Variants in CPZ observed in about 807,000 individuals in gnomAD.
CPZ encodes the protein VEZT/CPZ fusion.
In CPZ, 103 loss-of-function variants were observed where a neutral mutation model predicts 61.8. The observed-to-expected ratio is 1.67, with a 90% confidence interval of 1.42 to 1.96. The LOEUF (loss-of-function observed/expected upper bound fraction) is 1.96. Among genes scored for constraint, CPZ ranks in the 30% most tolerant of loss-of-function variants. CPZ has a pLI of 0.00. For synonymous variants in CPZ, 551 were observed against 373.7 expected (o/e 1.47, Z -5.47); for missense variants, 1,461 against 914.9 (o/e 1.60, Z -7.70).
intron 8 of CPZ, among the ~76,000 whole-genome samples, chr4:8,613,653 C>T (rs576228908): frequency 6.6e-6 from 1 of 152,320 alleles, no homozygotes; most frequent in South Asian, 2.1e-4. Context: ...CCTAGGCCTG[C>T]CTTGGAGATG....
At chr4:8,614,584 G>A (rs949026303) in intron 9 of CPZ, 86 bp downstream of exon 9, 1 of 1,415,724 alleles carries the variant, frequency 7.1e-7, no homozygotes, top group Non-Finnish European at 9.7e-7. Context: ...AGCCCCCGTA[G>A]CCTCACTGCC....
chr4:8,606,710 C>T lies in CPZ; in HGVS notation c.907-27C>T, dbSNP rs1199321886. On this transcript the variant is annotated intron_variant, in intron 5 of 10. Coordinates refer to ENST00000360986, the MANE Select transcript of CPZ (RefSeq NM_001014447.3). Reference sequence around the variant, plus strand: ...GGAGGGTGGGGTGTGCTGACCCCACCCAGTCGGGGGTTGGCCATGTTTTCA... The same window carrying T: ...GGAGGGTGGGGTGTGCTGACCCCACTCAGTCGGGGGTTGGCCATGTTTTCA... 3.1e-6 allele frequency: 5 copies of T among 1,613,622 alleles called. No homozygotes were observed. The South Asian group carries it at 3.3e-5, about 11-fold the overall frequency.
At chr4:8,605,634 T>TCCACCCATCCACCCACCC (rs1553876826) in intron 4 of CPZ, among the ~76,000 whole-genome samples, 21 of 148,678 alleles carry the variant, frequency 1.4e-4, no homozygotes, top group African/African-American at 4.1e-4. Context: ...ATCATTGATA[T>TCCACCCATCCACCCACCC]ATCCATTCAT....
chr4:8,613,884 C>T (rs1172251992), intron 8 of CPZ, among the ~76,000 whole-genome samples: 1 of 152,262 alleles, frequency 6.6e-6, no homozygotes, highest in Admixed American at 6.5e-5. Flanking sequence ...TGGACATTGT[C>T]ACCATGGGGT....
chr4:8,594,119 C>A (rs1713998832), intron 1 of CPZ, among the ~76,000 whole-genome samples: 1 of 152,214 alleles, frequency 6.6e-6, no homozygotes, highest in African/African-American at 2.4e-5. Flanking sequence ...CAGCAGGATG[C>A]ATGGGCTGGT....
At chr4:8,607,219 C>A in intron 6 of CPZ, 48 bp from the exon 7 acceptor site, 2 of 1,593,644 alleles carry the variant, frequency 1.3e-6, no homozygotes, top group Non-Finnish European at 1.7e-6. Context: ...TGGCTGCGGG[C>A]CAGTGGGAAA....
intron 10 of CPZ, among the ~76,000 whole-genome samples, 168 bp downstream of exon 10, chr4:8,618,696 C>T (rs1353659473): frequency 2.0e-5 from 3 of 152,110 alleles, no homozygotes; most frequent in Admixed American, 6.5e-5. Flanking sequence ...CCAGGGTCTG[C>T]GTCTCCTTAC....
At chr4:8,605,855 C>T in intron 4 of CPZ, 134 bp from the exon 5 acceptor site, 3 of 849,600 alleles carry the variant, frequency 3.5e-6, no homozygotes, top group Non-Finnish European at 5.4e-6. Flanking sequence ...TCATTATATA[C>T]AGAGGTTCTT....
At position 8,612,037 on chromosome 4, in the gene CPZ, T is replaced by G; in HGVS notation, c.1238T>G (p.Leu413Arg). Residue 413 changes from leucine to arginine, a missense_variant, in exon 8 of 11, where the codon CTG becomes CGG. Physicochemically the swap from Leu to Arg is moderately radical, Grantham distance 102. Coordinates refer to ENST00000360986, the MANE Select transcript of CPZ (RefSeq NM_001014447.3). ...AGGTTTCTTTTCCAGATGTTCAAGC[T>G]GCTGTCCAGAGCCTACGCTGACGTC... ...SPTPDEKMFK[L>R]LSRAYADVHP... 1 of 1,613,736 alleles carries G rather than the reference T, an allele frequency of 6.2e-7. No homozygotes were observed.
chr4:8,606,287 C>T (rs772539290), intron 5 of CPZ, 102 bp downstream of exon 5: 8 of 1,189,732 alleles, frequency 6.7e-6, no homozygotes, highest in South Asian at 3.0e-5. Context: ...GTTCCTGCCT[C>T]TCTAGGAGAG....
Position 8,618,354 on chromosome 4 carries a change from G to C in CPZ, c.1504-75G>C, listed in dbSNP as rs151224820. On this transcript the variant is annotated intron_variant, in intron 9 of 10. Coordinates refer to ENST00000360986, the MANE Select transcript of CPZ (RefSeq NM_001014447.3). ...GATACCAAGCTCTGAGGAGCATGTG[G>C]GGAACGAGCTGACGGCCTCCACGCT... is the stretch of plus-strand genomic sequence containing the variant. 3.8e-5 allele frequency: 54 copies of C among 1,415,804 alleles called. 1 individual carries two copies. The East Asian group carries it at 1.2e-3, about 32-fold the overall frequency. 87.7% of individuals were successfully genotyped at this position (1,415,804 alleles called of 1,614,324 possible).
At chr4:8,600,595 CCT>C (rs2109316018) in intron 2 of CPZ, among the ~76,000 whole-genome samples, 1 of 152,334 alleles carries the variant, frequency 6.6e-6, no homozygotes, top group Non-Finnish European at 1.5e-5. Flanking sequence ...CTACCCTCTG[CCT>C]GGGCTTACGG....
intron 1 of CPZ, among the ~76,000 whole-genome samples, chr4:8,595,316 CTG>C (rs979920132): frequency 6.6e-6 from 1 of 152,234 alleles, no homozygotes; most frequent in Non-Finnish European, 1.5e-5. Context: ...TTTCACCCCA[CTG>C]TGCGTTTGCA....
At chr4:8,599,218 T>C (rs10938727) in intron 1 of CPZ, among the ~76,000 whole-genome samples, 60,662 of 152,102 alleles carry the variant, frequency 0.4, 13,000 homozygotes, top group East Asian at 0.65. Flanking sequence ...CGCCTGCTGC[T>C]GCCTGTCTGT....
intron 10 of CPZ, among the ~76,000 whole-genome samples, chr4:8,618,951 A>G (rs904104715): frequency 6.7e-6 from 1 of 149,346 alleles, no homozygotes; most frequent in Non-Finnish European, 1.5e-5. Flanking sequence ...GTATGCTGTG[A>G]TATGTGTTAC....
At chr4:8,617,447 T>C (rs543341012) in intron 9 of CPZ, among the ~76,000 whole-genome samples, 2 of 152,356 alleles carry the variant, frequency 1.3e-5, no homozygotes, top group South Asian at 4.1e-4. Flanking sequence ...CCAGGCTCTT[T>C]GCTTCTGTGG....
At chr4:8,609,228 TCATTG>T (rs2109333048) in intron 7 of CPZ, among the ~76,000 whole-genome samples, 1 of 6,118 alleles carries the variant, frequency 1.6e-4, no homozygotes, top group African/African-American at 2.7e-4. Flanking sequence ...ACTTACTCAC[TCATTG>T]TCACTCATTC....
At chr4:8,611,365 T>A (rs1715662825) in intron 7 of CPZ, 1 of 436,700 alleles carries the variant, frequency 2.3e-6, no homozygotes, top group Non-Finnish European at 4.7e-6. Context: ...AGCTCTGGGC[T>A]GGGAAGGGAA....
chr4:8,592,993 C>A, intron 1 of CPZ, 72 bp downstream of exon 1: 1 of 1,254,434 alleles, frequency 8.0e-7, no homozygotes, highest in Non-Finnish European at 1.1e-6. Flanking sequence ...CCGTCGCTTC[C>A]CAGGGGCCCG....
Sources: gnomAD v4.1 joint callset for allele counts (sites outside exome capture counted in the v4.1 genomes callset) on GRCh38, gnomAD v4.1.1 for gene constraint, MANE v1.5 for transcripts, NCBI Gene and HGNC (gene_info 2026-07-23, HGNC 2026-07-21) for gene names.